SHANK2: variants seen among roughly 807,000 people sequenced by gnomAD.
SHANK2 encodes SH3 and multiple ankyrin repeat domains 2.
In SHANK2, 43 loss-of-function variants were observed where a neutral mutation model predicts 133.7. That is an observed-to-expected ratio of 0.32 (90% CI 0.25 to 0.41). The LOEUF is 0.41. Among genes scored for constraint, SHANK2 ranks in the 10% least tolerant of loss-of-function variants. SHANK2 has a pLI of 1.00. For synonymous variants in SHANK2, 1,017 were observed against 952.8 expected (o/e 1.07, Z -1.24); for missense variants, 1,994 against 2,235.8 (o/e 0.89, Z 2.18).
intron 10 of SHANK2, 129 bp downstream of exon 10, chr11:71,056,352 C>G (rs940115996): frequency 6.6e-6 from 1 of 152,148 alleles, no homozygotes; most frequent in Non-Finnish European, 1.5e-5. Context: ...GAGCAGCCTC[C>G]GAATAAGAAA....
chr11:70,525,801 G>A (rs1309831362), intron 17 of SHANK2, among the ~76,000 whole-genome samples: 2 of 151,908 alleles, frequency 1.3e-5, no homozygotes, highest in East Asian at 3.9e-4. Flanking sequence ...CCAGGGATGT[G>A]GCTCCTTTAG....
rs1478537207 is a variant in SHANK2 at position 70,882,706 on chromosome 11, C to T, written c.1174+13795G>A. On this transcript the variant is annotated intron_variant, in intron 11 of 25. Transcript: ENST00000601538. This position sits in a 1 kb window ranked among gnomAD's most constrained non-coding sequence, Gnocchi z 4.2. ...AGGGAGAGGACGGTGATCCCCACGG[C>T]TTTGCTAAAAGGCGGCAGTGGCTTA... Among the ~76,000 whole-genome samples the T allele has an allele frequency of 6.6e-6, 1 of 152,170 alleles. No individual in the cohort carries two copies. The highest frequency in any genetic ancestry group is 2.4e-5 in the African/African-American group (1 of 41,448).
chr11:70,622,609 G>C (rs1451534257), intron 17 of SHANK2, among the ~76,000 whole-genome samples: 2 of 152,226 alleles, frequency 1.3e-5, no homozygotes, highest in East Asian at 1.9e-4. Flanking sequence ...CCCTTGGCTT[G>C]TAACTGCACC....
intron 7 of SHANK2, among the ~76,000 whole-genome samples, chr11:71,094,289 T>C (rs897859542): frequency 3.3e-5 from 5 of 152,124 alleles, no homozygotes; most frequent in African/African-American, 9.7e-5. Flanking sequence ...CTTGACTGAA[T>C]AGAAGGTGAA....
intron 14 of SHANK2, among the ~76,000 whole-genome samples, chr11:70,724,113 G>T (rs1278792937): frequency 6.6e-6 from 1 of 151,038 alleles, no homozygotes; most frequent in African/African-American, 2.4e-5. Flanking sequence ...TTGGTTCAAT[G>T]CAACCTCTGC....
chr11:71,175,410 T>G lies in SHANK2; in HGVS notation c.-12-28072A>C, dbSNP rs1953410496. ...GTGGACACCGAAGCAGGAAAGTGAG[T>G]CTGTAAAGAGAGCAGGAGGAAGGAA... On this transcript the variant is annotated intron_variant, in intron 2 of 25. Transcript: ENST00000601538. This position sits in a 1 kb window ranked among gnomAD's most constrained non-coding sequence, Gnocchi z 4.2. Among the ~76,000 whole-genome samples, 1 of 150,862 alleles carries G rather than the reference T, an allele frequency of 6.6e-6. No individual in the cohort carries two copies. The highest frequency in any genetic ancestry group is 1.5e-5 in the Non-Finnish European group (1 of 67,828).
At chr11:70,475,272 A>G (rs1259219843) in intron 25 of SHANK2, 2 of 152,194 alleles carry the variant, frequency 1.3e-5, no homozygotes, top group African/African-American at 4.8e-5. Context: ...AGTGCTGTGC[A>G]TGGGGACCAG....
At chr11:71,230,568 CAA>C (rs58588362) in intron 1 of SHANK2, among the ~76,000 whole-genome samples, 2 of 89,908 alleles carry the variant, frequency 2.2e-5, no homozygotes. Flanking sequence ...GACTCTGTCT[CAA>C]AAAAAAAAAA....
chr11:70,607,729 T>A (rs1293640144), intron 17 of SHANK2, among the ~76,000 whole-genome samples: 2 of 152,214 alleles, frequency 1.3e-5, no homozygotes, highest in Non-Finnish European at 2.9e-5. Context: ...GCCACCATCC[T>A]GTGAGCAGGC....
intron 2 of SHANK2, among the ~76,000 whole-genome samples, chr11:71,195,068 C>T (rs1308138868): frequency 6.6e-6 from 1 of 152,194 alleles, no homozygotes; most frequent in Non-Finnish European, 1.5e-5. Flanking sequence ...TCACTTTTTA[C>T]GTAGGGCACC....
At chr11:70,770,454 G>GC (rs1947224031) in intron 14 of SHANK2, among the ~76,000 whole-genome samples, 4 of 152,318 alleles carry the variant, frequency 2.6e-5, no homozygotes, top group Middle Eastern at 3.4e-3. Flanking sequence ...TAACACTGAG[G>GC]CCCCCAGCTG....
chr11:71,195,904 G>A (rs1295434294), intron 2 of SHANK2, among the ~76,000 whole-genome samples: 3 of 152,120 alleles, frequency 2.0e-5, no homozygotes, highest in Non-Finnish European at 4.4e-5. Flanking sequence ...GTGATGGGCC[G>A]GGTGCAGTGG....
chr11:70,599,905 G>GAAAGAAAGAGAAAGAAAGAAAGAA (rs1466206835), intron 17 of SHANK2, among the ~76,000 whole-genome samples: 26 of 73,742 alleles, frequency 3.5e-4, no homozygotes, highest in East Asian at 1.1e-3. Context: ...AAGAAAGAAA[G>GAAAGAAAGAGAAAGAAAGAAAGAA]AGAAAGAAAG....
chr11:70,891,961 G>A (rs1484411012), intron 11 of SHANK2, among the ~76,000 whole-genome samples: 3 of 152,206 alleles, frequency 2.0e-5, no homozygotes, highest in Non-Finnish European at 1.5e-5. Context: ...TGGGTGAGAA[G>A]TTACTCTGAG....
intron 13 of SHANK2, among the ~76,000 whole-genome samples, chr11:70,801,269 T>C (rs547720317): frequency 1.3e-5 from 2 of 152,330 alleles, no homozygotes; most frequent in Admixed American, 1.3e-4. Flanking sequence ...GAAAGGCTGT[T>C]TCCAATGGGC....
At chr11:71,187,768 G>A (rs1343937955) in intron 2 of SHANK2, among the ~76,000 whole-genome samples, 1 of 152,200 alleles carries the variant, frequency 6.6e-6, no homozygotes, top group East Asian at 1.9e-4. Context: ...CCTCTAAGAT[G>A]TTTGTACTGC....
intron 17 of SHANK2, among the ~76,000 whole-genome samples, chr11:70,520,115 T>A (rs61375303): frequency 0.26 from 39,984 of 151,800 alleles, 5,706 homozygotes; most frequent in African/African-American, 0.39. Context: ...CATTGTGAAC[T>A]CAGTATCTGG....
chr11:71,080,460 G>A (rs1387397654), intron 8 of SHANK2, among the ~76,000 whole-genome samples: 1 of 152,204 alleles, frequency 6.6e-6, no homozygotes. Context: ...ATGGCAAGAG[G>A]AACGGCGCCA....
intron 2 of SHANK2, among the ~76,000 whole-genome samples, chr11:71,206,515 G>A (rs1272438793): frequency 3.3e-5 from 5 of 152,138 alleles, no homozygotes; most frequent in African/African-American, 7.2e-5. Flanking sequence ...CTACATCCAC[G>A]CAGAGAGATC....
Sources: gnomAD v4.1 joint callset for allele counts (sites outside exome capture counted in the v4.1 genomes callset) on GRCh38, gnomAD v4.1.1 for gene constraint, Gnocchi (gnomAD v3.1) non-coding constraint, MANE v1.5 for transcripts, NCBI Gene and HGNC (gene_info 2026-07-23, HGNC 2026-07-21) for gene names.